Variants in BACH2 observed in about 807,000 individuals in gnomAD.
The protein encoded by BACH2 is BACH transcriptional regulator 2.
A neutral mutation model predicts 61.8 loss-of-function variants in BACH2; 5 were observed. The observed-to-expected ratio is 0.08, with a 90% CI of 0.04 to 0.17. The LOEUF is 0.17. Among genes scored for constraint, BACH2 ranks in the 10% least tolerant of loss-of-function variants. The probability of loss-of-function intolerance (pLI) is 1.00; values close to 1 mark genes in which losing one functional copy is unlikely to be tolerated. For synonymous variants in BACH2, 446 were observed against 440.1 expected (o/e 1.01, Z -0.17); for missense variants, 824 against 1,091.1 (o/e 0.76, Z 3.45).
chr6:90,144,485 A>G (rs1784556007), intron 4 of BACH2, among the ~76,000 whole-genome samples: 1 of 152,224 alleles, frequency 6.6e-6, no homozygotes, highest in African/African-American at 2.4e-5. Context: ...CAGAGCTGCC[A>G]TGGGTCTGGC....
rs536510607 is a variant in BACH2, at chr6:89,958,604, G to A, written c.244-6742C>T. Among the ~76,000 whole-genome samples, 5 of 152,254 alleles carry A rather than the reference G, an allele frequency of 3.3e-5. No individual in the cohort carries two copies. The East Asian group carries it at 7.7e-4, about 23-fold the overall frequency. On this transcript the variant is annotated intron_variant, in intron 6 of 8. Coordinates refer to ENST00000257749, the MANE Select transcript of BACH2 (RefSeq NM_021813.4). ...CTCCAAGGAGCTAACAAGTGACTGG[G>A]GAGACAGATGTTCAATATAAATGTT...
chr6:90,212,315 A>G (rs374060160), intron 3 of BACH2, among the ~76,000 whole-genome samples: 12 of 152,190 alleles, frequency 7.9e-5, no homozygotes, highest in African/African-American at 1.2e-4. Flanking sequence ...CCTTCCCCCA[A>G]TGCATACACA....
chr6:90,289,718 CA>C (rs1446023972), intron 1 of BACH2, among the ~76,000 whole-genome samples: 3 of 152,172 alleles, frequency 2.0e-5, no homozygotes, highest in Non-Finnish European at 4.4e-5. Flanking sequence ...GGTCCGCATT[CA>C]ACACGCAAGA....
At position 90,124,009 on chromosome 6, in the gene BACH2, G is replaced by A. The variant is rs575745327; in HGVS notation, c.-161-34900C>T. On this transcript the variant is annotated intron_variant, in intron 4 of 8. Coordinates refer to ENST00000257749, the MANE Select transcript of BACH2 (RefSeq NM_021813.4). Reference sequence around the variant, plus strand: ...GACCTAGTGTGAGTCAGAGTCGCCAGGGGAACTTTTGTCAAAAACTGATAT... The same window carrying A: ...GACCTAGTGTGAGTCAGAGTCGCCAAGGGAACTTTTGTCAAAAACTGATAT... Among the ~76,000 whole-genome samples, 82 of 152,186 alleles carry A rather than the reference G, an allele frequency of 5.4e-4. 1 individual carries two copies. The South Asian group carries it at 0.017, about 31-fold the overall frequency.
At chr6:90,078,956 T>C (rs576385111) in intron 5 of BACH2, among the ~76,000 whole-genome samples, 2 of 152,230 alleles carry the variant, frequency 1.3e-5, no homozygotes, top group East Asian at 3.9e-4. Context: ...TCTTGACTCA[T>C]CCATTTTACA....
chr6:89,994,174 G>A (rs1003115970), intron 6 of BACH2, among the ~76,000 whole-genome samples: 9 of 152,188 alleles, frequency 5.9e-5, no homozygotes, highest in African/African-American at 2.2e-4. Context: ...CCAAGGGAAT[G>A]GGAAAGGAGA....
At chr6:90,054,198 A>G (rs1013353882) in intron 5 of BACH2, among the ~76,000 whole-genome samples, 9 of 152,362 alleles carry the variant, frequency 5.9e-5, no homozygotes, top group Non-Finnish European at 1.2e-4. Flanking sequence ...GCAAGGGGTC[A>G]GGGAATTCCC....
chr6:89,988,492 A>C (rs1435885520), intron 6 of BACH2, among the ~76,000 whole-genome samples: 2 of 152,232 alleles, frequency 1.3e-5, no homozygotes, highest in Non-Finnish European at 2.9e-5. Context: ...CTAAAATGGC[A>C]GGAGAAAATA....
intron 4 of BACH2, among the ~76,000 whole-genome samples, chr6:90,153,618 T>G (rs1410316040): frequency 1.3e-5 from 2 of 152,194 alleles, no homozygotes; most frequent in African/African-American, 2.4e-5. Flanking sequence ...AGCAATCTGA[T>G]AGCTATAGGA....
At chr6:90,290,337 T>C (rs1303809134) in intron 1 of BACH2, among the ~76,000 whole-genome samples, 1 of 152,200 alleles carries the variant, frequency 6.6e-6, no homozygotes, top group Non-Finnish European at 1.5e-5. Flanking sequence ...AACTGATCAG[T>C]GCCATTCTTC....
At chr6:90,141,485 T>A (rs971421629) in intron 4 of BACH2, among the ~76,000 whole-genome samples, 1 of 145,044 alleles carries the variant, frequency 6.9e-6, no homozygotes, top group African/African-American at 2.6e-5. Flanking sequence ...CCCGCCCCGA[T>A]CCCGTTTTTT....
intron 5 of BACH2, among the ~76,000 whole-genome samples, chr6:90,066,324 A>G (rs1044654550): frequency 3.3e-5 from 5 of 152,210 alleles, no homozygotes; most frequent in Admixed American, 1.3e-4. Context: ...GATTGGGGTA[A>G]GTAGAAGCTA....
intron 6 of BACH2, among the ~76,000 whole-genome samples, chr6:89,996,194 C>T (rs1292591629): frequency 6.6e-6 from 1 of 152,192 alleles, no homozygotes; most frequent in African/African-American, 2.4e-5. Context: ...GCCTCTTTCA[C>T]CATCCATGTG....
chr6:90,198,930 G>T (rs1401405581), intron 4 of BACH2, among the ~76,000 whole-genome samples: 1 of 152,146 alleles, frequency 6.6e-6, no homozygotes. Context: ...TCTTGTGACG[G>T]TGAATAAGTC....
At chr6:90,058,259 A>G (rs538725145) in intron 5 of BACH2, among the ~76,000 whole-genome samples, 5 of 152,358 alleles carry the variant, frequency 3.3e-5, no homozygotes, top group Non-Finnish European at 7.3e-5. Context: ...TAAGCTGATA[A>G]GCAACTTCAG....
intron 4 of BACH2, among the ~76,000 whole-genome samples, chr6:90,181,328 GGT>G (rs10593294): frequency 0.026 from 3,845 of 147,774 alleles, 72 homozygotes; most frequent in East Asian, 0.078. Flanking sequence ...CCCACTGTGT[GGT>G]GTGTGTGTGT....
intron 6 of BACH2, among the ~76,000 whole-genome samples, chr6:90,003,617 A>G (rs1777249913): frequency 6.6e-6 from 1 of 152,214 alleles, no homozygotes; most frequent in Non-Finnish European, 1.5e-5. Flanking sequence ...TTGAATGAAT[A>G]AATAAATGAG....
At chr6:90,149,442 T>C (rs550966040) in intron 4 of BACH2, among the ~76,000 whole-genome samples, 39 of 152,336 alleles carry the variant, frequency 2.6e-4, no homozygotes, top group Non-Finnish European at 4.3e-4. Flanking sequence ...CCTACCGTGC[T>C]ACACATTGTC....
At chr6:90,014,823 G>A (rs1777970083) in intron 5 of BACH2, among the ~76,000 whole-genome samples, 1 of 151,748 alleles carries the variant, frequency 6.6e-6, no homozygotes, top group South Asian at 2.1e-4. Context: ...TTGTTGCCCT[G>A]GCTGGAGTGC....
Sources: allele counts gnomAD v4.1 joint callset (sites outside exome capture counted in the v4.1 genomes callset), GRCh38; gene constraint gnomAD v4.1.1; transcripts MANE v1.5; gene names NCBI Gene and HGNC (gene_info 2026-07-23, HGNC 2026-07-21).